ADAM29: variants seen among roughly 807,000 people sequenced by gnomAD.
ADAM29 encodes the protein ADAM metallopeptidase domain 29, also known as disintegrin and metalloproteinase domain-containing protein 29.
For synonymous variants in ADAM29, 367 were observed against 342.3 expected (o/e 1.07, Z -0.80); for missense variants, 969 against 1,001.8 (o/e 0.97, Z 0.44).
intron 4 of ADAM29, among the ~76,000 whole-genome samples, chr4:174,955,690 A>G (rs891009322): frequency 1.3e-5 from 2 of 152,046 alleles, no homozygotes; most frequent in African/African-American, 2.4e-5. Flanking sequence ...TTTATTCTGC[A>G]TGTACTTTTT....
intron 3 of ADAM29, among the ~76,000 whole-genome samples, chr4:174,935,922 A>C (rs1726013229): frequency 6.6e-6 from 1 of 152,044 alleles, no homozygotes; most frequent in South Asian, 2.1e-4. Context: ...TTATGTTTGC[A>C]CTGGTAGAAA....
rs745808177 is a variant in ADAM29 at position 174,975,936 on chromosome 4, GC to G, written c.415del (p.Leu139Ter). 3 of 1,613,956 alleles carry G rather than the reference GC, an allele frequency of 1.9e-6. No homozygotes were observed. The highest frequency in any genetic ancestry group is 2.5e-6 in the Non-Finnish European group (3 of 1,179,954). On this transcript the variant is annotated frameshift_variant, in exon 5 of 5. Transcript: ENST00000359240. LOFTEE classifies it low-confidence loss of function (END_TRUNC). ...TAAATGACTTTGCTTATGAAATCAA[GC>G]CCCTAGCATTTTCTACCACGTTTGA... ...QINDFAYEIK[P>X]LAFSTTFEHL...
intron 4 of ADAM29, among the ~76,000 whole-genome samples, chr4:174,943,633 G>C (rs1744672858): frequency 6.6e-6 from 1 of 152,072 alleles, no homozygotes; most frequent in Non-Finnish European, 1.5e-5. Flanking sequence ...CCTCCCACCA[G>C]GTCCCTCCCC....
chr4:174,934,557 A>T (rs1181941491), intron 3 of ADAM29, among the ~76,000 whole-genome samples: 1 of 152,154 alleles, frequency 6.6e-6, no homozygotes, highest in Non-Finnish European at 1.5e-5. Context: ...TAACGCTGAT[A>T]TTGCAGTTTA....
intron 2 of ADAM29, among the ~76,000 whole-genome samples, chr4:174,921,322 T>G (rs2110887531): frequency 6.6e-6 from 1 of 152,306 alleles, no homozygotes; most frequent in Non-Finnish European, 1.5e-5. Flanking sequence ...TGAAGTCTTC[T>G]TAAAAAGGCA....
At chr4:174,971,156 A>G (rs890273178) in intron 4 of ADAM29, among the ~76,000 whole-genome samples, 3 of 152,144 alleles carry the variant, frequency 2.0e-5, no homozygotes, top group African/African-American at 7.2e-5. Context: ...TCATTTCACT[A>G]TGTATATGTA....
chr4:174,952,243 T>C (rs974202676), intron 4 of ADAM29, among the ~76,000 whole-genome samples: 17 of 152,000 alleles, frequency 1.1e-4, no homozygotes, highest in African/African-American at 3.6e-4. Flanking sequence ...TCTTCCTGGA[T>C]AACTTTATCT....
chr4:174,959,579 A>C (rs1433423455), intron 4 of ADAM29, among the ~76,000 whole-genome samples: 1 of 151,316 alleles, frequency 6.6e-6, no homozygotes, highest in African/African-American at 2.4e-5. Context: ...TTAATTTTGT[A>C]AAGTTCATGG....
At chr4:174,974,019 C>T (rs1393290905) in intron 4 of ADAM29, among the ~76,000 whole-genome samples, 7 of 152,272 alleles carry the variant, frequency 4.6e-5, no homozygotes, top group Admixed American at 2.6e-4. Flanking sequence ...ACCTGGTTAT[C>T]GAATGACGGT....
rs1308266517 is a variant in ADAM29 at position 174,938,834 on chromosome 4, T to A, written c.-181+1821T>A. On this transcript the variant is annotated intron_variant, in intron 4 of 4. Coordinates refer to ENST00000359240, the MANE Select transcript of ADAM29 (RefSeq NM_014269.4). ...AGTTGAAGAGTCCAAAATCCAGGTG[T>A]CGGCAGGGAAAAGCTCCCTCTGAAG... Among the ~76,000 whole-genome samples, 3 of 152,150 alleles carry A rather than the reference T, an allele frequency of 2.0e-5. No homozygotes were observed. The East Asian group carries it at 5.8e-4, about 29-fold the overall frequency.
At chr4:174,924,717 A>C (rs1743394953) in intron 2 of ADAM29, among the ~76,000 whole-genome samples, 1 of 152,214 alleles carries the variant, frequency 6.6e-6, no homozygotes, top group African/African-American at 2.4e-5. Context: ...TGAAAAGGCT[A>C]CATGGTATAT....
At chr4:174,951,763 G>A (rs1467654547) in intron 4 of ADAM29, among the ~76,000 whole-genome samples, 1 of 152,104 alleles carries the variant, frequency 6.6e-6, no homozygotes, top group Admixed American at 6.6e-5. Flanking sequence ...ATCAGCAGTG[G>A]TTTCAGTGGT....
chr4:174,931,944 AT>A (rs1241230863), intron 3 of ADAM29, among the ~76,000 whole-genome samples: 2 of 152,080 alleles, frequency 1.3e-5, no homozygotes, highest in African/African-American at 4.8e-5. Flanking sequence ...AAATTTTCAT[AT>A]TTACTTTCAT....
At position 174,977,527 on chromosome 4, in the gene ADAM29, C is replaced by T. The variant is rs866772953; in HGVS notation, c.2002C>T (p.Pro668Ser). 6.2e-7 allele frequency: 1 copy of T among 1,614,112 alleles called. No individual in the cohort carries two copies. The highest frequency in any genetic ancestry group is 8.5e-7 in the Non-Finnish European group (1 of 1,180,028). The change falls in exon 5 of 5, where the codon CCT becomes TCT. Residue 668 changes from proline (P) to serine (S), a missense_variant. By Grantham distance (74) the Pro-to-Ser change is moderately conservative. Transcript: ENST00000359240. ...AGGTAGTGTTGACAGTGGCCCACCC[C>T]CTAAGAGAAAGAAGAAAAAGAAGTT... ...YGGSVDSGPPPKRKKKKKFCY... is the reference protein window; with the variant it reads ...YGGSVDSGPPSKRKKKKKFCY...
intron 4 of ADAM29, among the ~76,000 whole-genome samples, chr4:174,964,443 T>C (rs1353779073): frequency 6.6e-6 from 1 of 152,144 alleles, no homozygotes; most frequent in Non-Finnish European, 1.5e-5. Context: ...TCTGTGATAC[T>C]ATACTTTTGT....
At chr4:174,967,825 A>G (rs1236330022) in intron 4 of ADAM29, among the ~76,000 whole-genome samples, 1 of 152,192 alleles carries the variant, frequency 6.6e-6, no homozygotes, top group African/African-American at 2.4e-5. Context: ...TAAGACAAAA[A>G]CAATCGCACA....
At chr4:174,943,220 C>T (rs986770788) in intron 4 of ADAM29, among the ~76,000 whole-genome samples, 9 of 152,196 alleles carry the variant, frequency 5.9e-5, no homozygotes, top group African/African-American at 1.9e-4. Flanking sequence ...AACTTTCCCA[C>T]ATCTTCCTGT....
At chr4:174,971,853 G>C (rs1185639704) in intron 4 of ADAM29, among the ~76,000 whole-genome samples, 1 of 152,006 alleles carries the variant, frequency 6.6e-6, no homozygotes, top group African/African-American at 2.4e-5. Context: ...CCTTGAAGAG[G>C]TCCTATCAGT....
intron 3 of ADAM29, among the ~76,000 whole-genome samples, chr4:174,935,048 C>G (rs944927010): frequency 2.0e-5 from 3 of 152,008 alleles, no homozygotes; most frequent in Admixed American, 6.6e-5. Context: ...ATTATTGTAA[C>G]TGTGTTCATA....
Sources: allele counts gnomAD v4.1 joint callset (sites outside exome capture counted in the v4.1 genomes callset), GRCh38; gene constraint gnomAD v4.1.1; transcripts MANE v1.5; gene names NCBI Gene and HGNC (gene_info 2026-07-23, HGNC 2026-07-21).